FAM107B: variants seen among roughly 807,000 people sequenced by gnomAD.
FAM107B encodes protein FAM107B.
In FAM107B, 21 loss-of-function variants were observed where a neutral mutation model predicts 31.5. The ratio of observed to expected loss-of-function variants is 0.67; its 90% CI spans 0.47 to 0.96. FAM107B has a LOEUF of 0.96. FAM107B is among the 40% of genes least tolerant of loss of function. The pLI is 0.00. For missense variants in FAM107B, 452 were observed against 377.1 expected (o/e 1.20, Z -1.64); for synonymous variants, 157 against 141.5 (o/e 1.11, Z -0.78).
Position 14,565,821 on chromosome 10 carries a change from G to C in FAM107B, c.470-35306C>G, listed in dbSNP as rs1202989837. On this transcript the variant is annotated intron_variant, in intron 2 of 4. Coordinates refer to ENST00000181796, the MANE Select transcript of FAM107B (RefSeq NM_031453.4). ...TAATCGAGCGAGAGAAGGAAACCCA[G>C]GGGAGAGTGTCTCAGGCGCTCAGAG... 8.5e-5 allele frequency among the ~76,000 whole-genome samples: 13 copies of C among 152,292 alleles called. No homozygotes were observed. The East Asian group carries it at 2.1e-3, about 25-fold the overall frequency.
At chr10:14,570,035 CT>C (rs1448874271) in intron 2 of FAM107B, among the ~76,000 whole-genome samples, 1 of 152,154 alleles carries the variant, frequency 6.6e-6, no homozygotes, top group Non-Finnish European at 1.5e-5. Flanking sequence ...AAAGGGAAAG[CT>C]TTTATAAATT....
At chr10:14,577,354 G>A (rs11259201) in intron 2 of FAM107B, among the ~76,000 whole-genome samples, 16,949 of 152,214 alleles carry the variant, frequency 0.11, 1,250 homozygotes, top group Admixed American at 0.22. Context: ...TTCTAATAAC[G>A]TATTCTCGAT....
intron 2 of FAM107B, among the ~76,000 whole-genome samples, chr10:14,616,890 G>A (rs900235744): frequency 1.3e-5 from 2 of 152,118 alleles, no homozygotes; most frequent in Non-Finnish European, 1.5e-5. Context: ...CTGTACTCCA[G>A]CCTGGGTGAC....
intron 1 of FAM107B, among the ~76,000 whole-genome samples, chr10:14,680,500 G>A (rs575967925): frequency 7.3e-5 from 11 of 151,592 alleles, no homozygotes; most frequent in South Asian, 6.3e-4. Flanking sequence ...CTTGAACCCC[G>A]GAGGCAGAGG....
intron 1 of FAM107B, among the ~76,000 whole-genome samples, chr10:14,680,314 C>G (rs1287352810): frequency 6.6e-6 from 1 of 152,156 alleles, no homozygotes; most frequent in Non-Finnish European, 1.5e-5. Flanking sequence ...TGGCTCATGA[C>G]TGTAATTCTA....
intron 1 of FAM107B, among the ~76,000 whole-genome samples, chr10:14,763,465 G>A (rs936260019): frequency 6.6e-6 from 1 of 152,162 alleles, no homozygotes; most frequent in Non-Finnish European, 1.5e-5. Flanking sequence ...GCCTCTAATT[G>A]TTAGAGGCTA....
intron 1 of FAM107B, among the ~76,000 whole-genome samples, chr10:14,705,013 G>A (rs1215415644): frequency 1.1e-5 from 1 of 94,398 alleles, no homozygotes; most frequent in East Asian, 3.0e-4. Flanking sequence ...AATGGAGTGA[G>A]ACCCTGTCAC....
intron 1 of FAM107B, among the ~76,000 whole-genome samples, chr10:14,762,874 C>T (rs936980030): frequency 1.3e-5 from 2 of 152,034 alleles, no homozygotes; most frequent in African/African-American, 4.8e-5. Context: ...TCATTTGGTC[C>T]TTTACCCCCA....
At chr10:14,674,302 T>C (rs1474906116) in intron 1 of FAM107B, among the ~76,000 whole-genome samples, 2 of 152,210 alleles carry the variant, frequency 1.3e-5, no homozygotes, top group African/African-American at 4.8e-5. Context: ...ATCAACAGAA[T>C]GAAGTGACAA....
intron 2 of FAM107B, among the ~76,000 whole-genome samples, chr10:14,540,216 T>C (rs1588520149): frequency 1.3e-5 from 2 of 152,218 alleles, no homozygotes; most frequent in South Asian, 2.1e-4. Flanking sequence ...TTGGCTAATG[T>C]TCCCCAGACC....
intron 1 of FAM107B, among the ~76,000 whole-genome samples, chr10:14,673,650 C>G (rs578046350): frequency 6.6e-6 from 1 of 152,132 alleles, no homozygotes; most frequent in Non-Finnish European, 1.5e-5. Flanking sequence ...TGGATGCATA[C>G]CCAGCAGTGG....
At chr10:14,739,718 A>G (rs1170477922) in intron 1 of FAM107B, among the ~76,000 whole-genome samples, 1 of 152,232 alleles carries the variant, frequency 6.6e-6, no homozygotes, top group Non-Finnish European at 1.5e-5. Flanking sequence ...AAGTTCTACA[A>G]CTTGTGCTAG....
At chr10:14,546,896 C>A (rs1848744601) in intron 2 of FAM107B, among the ~76,000 whole-genome samples, 1 of 152,154 alleles carries the variant, frequency 6.6e-6, no homozygotes, top group Admixed American at 6.5e-5. Flanking sequence ...ACAAAAATAA[C>A]CAGATGCCCC....
At chr10:14,532,972 T>C (rs1473104676) in intron 2 of FAM107B, among the ~76,000 whole-genome samples, 2 of 151,554 alleles carry the variant, frequency 1.3e-5, no homozygotes, top group Admixed American at 1.3e-4. Context: ...CTGGGGGGGA[T>C]GAGGAATGGC....
intron 2 of FAM107B, among the ~76,000 whole-genome samples, chr10:14,560,718 A>T (rs1850169276): frequency 6.6e-6 from 1 of 152,154 alleles, no homozygotes; most frequent in Non-Finnish European, 1.5e-5. Flanking sequence ...GCCTATGTAA[A>T]TGTCTGGTGC....
intron 1 of FAM107B, among the ~76,000 whole-genome samples, chr10:14,690,017 GGAAGGAA>G (rs1855091530): frequency 7.5e-6 from 1 of 133,234 alleles, no homozygotes; most frequent in Non-Finnish European, 1.6e-5. Context: ...AAGGAAGGAA[GGAAGGAA>G]GGGAGGGAGG....
At chr10:14,644,702 C>A (rs1237135142) in intron 2 of FAM107B, among the ~76,000 whole-genome samples, 2 of 152,090 alleles carry the variant, frequency 1.3e-5, no homozygotes, top group African/African-American at 4.8e-5. Context: ...AATGGCAGGT[C>A]CAAATAAAAT....
chr10:14,570,235 T>TGG (rs1426378484), intron 2 of FAM107B, among the ~76,000 whole-genome samples: 18 of 75,652 alleles, frequency 2.4e-4, no homozygotes, highest in African/African-American at 4.2e-4. Context: ...ATGTGGTGGG[T>TGG]GTGTGTGTGT....
chr10:14,625,501 C>T (rs1853136790), intron 2 of FAM107B, among the ~76,000 whole-genome samples: 1 of 152,140 alleles, frequency 6.6e-6, no homozygotes, highest in Admixed American at 6.5e-5. Flanking sequence ...GTACAACTGT[C>T]CTGGCTGCTC....
Sources: gnomAD v4.1 joint callset for allele counts (sites outside exome capture counted in the v4.1 genomes callset) on GRCh38, gnomAD v4.1.1 for gene constraint, MANE v1.5 for transcripts, NCBI Gene and HGNC (gene_info 2026-07-23, HGNC 2026-07-21) for gene names.